ITPR1: variants seen among roughly 807,000 people sequenced by gnomAD.
ITPR1 encodes inositol 1,4,5-trisphosphate-gated calcium channel ITPR1.
Under a neutral mutation model 318.4 loss-of-function variants are expected in ITPR1, and 96 were observed. The observed-to-expected ratio is 0.30, with a 90% CI of 0.26 to 0.36. The LOEUF (loss-of-function observed/expected upper bound fraction) is 0.36, where lower values mean the gene tolerates loss of function less well. ITPR1 is among the 10% of genes least tolerant of loss of function. The pLI is 1.00. For synonymous variants in ITPR1, 1,312 were observed against 1,289.9 expected, an observed-to-expected ratio of 1.02 and a Z score of -0.37; for missense variants, 2,440 against 3,460.2, an observed-to-expected ratio of 0.71 and a Z score of 7.40.
At chr3:4,648,288 T>G (rs2093511773) in intron 10 of ITPR1, among the ~76,000 whole-genome samples, 2 of 152,230 alleles carry the variant, frequency 1.3e-5, no homozygotes, top group South Asian at 4.1e-4. Flanking sequence ...CCTCTCTACA[T>G]GCATTTGCCC....
chr3:4,521,056 A>C lies in ITPR1; in HGVS notation c.125A>C (p.Glu42Ala), dbSNP rs2082526600. ...GATGATCGTTGTGTTGTACAGCCAG[A>C]AACCGGGGACCTTAACAATCCACCT... ...LVDDRCVVQP[E>A]TGDLNNPPKK... is the part of the protein sequence containing the mutation. The change falls in exon 4 of 62, where the codon GAA (glutamate) becomes GCA (alanine). Residue 42 changes from glutamate (E) to alanine (A), a missense_variant. By Grantham distance (107) the Glu-to-Ala change is moderately radical (BLOSUM62 -1). Around this residue, in one of 23 missense-constraint regions of ITPR1, gnomAD observed 186 missense variants for 323.9 expected, o/e 0.57. Transcript: ENST00000649015. The C allele has an allele frequency of 6.2e-7, 1 of 1,613,838 alleles. No homozygotes were observed. The highest frequency in any genetic ancestry group is 8.5e-7 in the Non-Finnish European group (1 of 1,179,730).
chr3:4,815,305 G>T, intron 59 of ITPR1, 87 bp downstream of exon 59: 4 of 1,334,698 alleles, frequency 3.0e-6, no homozygotes, highest in Middle Eastern at 2.0e-4. Flanking sequence ...GATGGGCGGG[G>T]TGCCTGCCCA....
At chr3:4,719,462 G>C (rs144521902) in intron 40 of ITPR1, among the ~76,000 whole-genome samples, 248 of 152,324 alleles carry the variant, frequency 1.6e-3, no homozygotes, top group African/African-American at 5.7e-3. Context: ...GAAACCTGCA[G>C]CCCACAGCTG....
At chr3:4,575,584 A>G (rs1197828487) in intron 4 of ITPR1, among the ~76,000 whole-genome samples, 2 of 152,128 alleles carry the variant, frequency 1.3e-5, no homozygotes, top group East Asian at 1.9e-4. Context: ...TTTCTCATCA[A>G]TGTGTTTTGT....
At chr3:4,751,196 A>C (rs1037334532) in intron 44 of ITPR1, 1 of 152,660 alleles carries the variant, frequency 6.6e-6, no homozygotes, top group Non-Finnish European at 1.5e-5. Context: ...CAAGAAAACA[A>C]GAGAATGGGT....
intron 4 of ITPR1, among the ~76,000 whole-genome samples, chr3:4,567,544 G>A (rs1271646224): frequency 3.3e-5 from 5 of 152,122 alleles, no homozygotes; most frequent in Admixed American, 6.5e-5. Context: ...CACGTGCGGT[G>A]GGCTTGGGGG....
chr3:4,633,799 T>C (rs1304786747), intron 5 of ITPR1, among the ~76,000 whole-genome samples: 3 of 152,224 alleles, frequency 2.0e-5, no homozygotes, highest in Non-Finnish European at 4.4e-5. Flanking sequence ...TGAGAAATGA[T>C]TACTTAAGTC....
At chr3:4,535,202 C>G (rs964252628) in intron 4 of ITPR1, among the ~76,000 whole-genome samples, 1 of 152,114 alleles carries the variant, frequency 6.6e-6, no homozygotes, top group Non-Finnish European at 1.5e-5. Context: ...AAGAACTTTA[C>G]TTCTTTTAAA....
chr3:4,706,138 G>A, intron 36 of ITPR1, 29 bp from the exon 37 acceptor site: 1 of 1,613,526 alleles, frequency 6.2e-7, no homozygotes, highest in Non-Finnish European at 8.5e-7. Context: ...AAAAGTTGTA[G>A]GCTCACGACT....
At chr3:4,636,414 G>A (rs1181865995) in intron 5 of ITPR1, among the ~76,000 whole-genome samples, 3 of 152,102 alleles carry the variant, frequency 2.0e-5, no homozygotes, top group African/African-American at 7.2e-5. Flanking sequence ...CAAAGTTTTA[G>A]ATGTGATATT....
chr3:4,538,526 C>T (rs1270236392), intron 4 of ITPR1, among the ~76,000 whole-genome samples: 1 of 152,168 alleles, frequency 6.6e-6, no homozygotes, highest in African/African-American at 2.4e-5. Context: ...TACCATTCGA[C>T]CCAGCAATCC....
chr3:4,594,436 C>T (rs2090633336), intron 4 of ITPR1, among the ~76,000 whole-genome samples: 2 of 152,258 alleles, frequency 1.3e-5, no homozygotes, highest in South Asian at 4.1e-4. Flanking sequence ...CCTGAACCAA[C>T]CCAAGATAAA....
At chr3:4,506,093 A>G (rs1160196927) in intron 2 of ITPR1, among the ~76,000 whole-genome samples, 2 of 152,216 alleles carry the variant, frequency 1.3e-5, no homozygotes, top group Non-Finnish European at 2.9e-5. Context: ...CAACATAACT[A>G]TGAGATAAGC....
At chr3:4,637,932 T>C (rs139133744) in intron 5 of ITPR1, among the ~76,000 whole-genome samples, 54 of 152,276 alleles carry the variant, frequency 3.5e-4, no homozygotes, top group African/African-American at 1.3e-3. Context: ...ATAATAATAA[T>C]GGTTAAAATT....
At chr3:4,541,757 C>T (rs937941296) in intron 4 of ITPR1, among the ~76,000 whole-genome samples, 1 of 152,062 alleles carries the variant, frequency 6.6e-6, no homozygotes, top group Non-Finnish European at 1.5e-5. Context: ...TCCCGAGTAG[C>T]TGGGACTACC....
Position 4,644,251 on chromosome 3 carries a change from A to T in ITPR1, c.624+17A>T. ...TGCAATGAGGTAAGGACATTGAGTT[A>T]TGTGTGTGGGTGTGGTTATCCTGCA... On this transcript the variant is annotated intron_variant, in intron 8 of 61. Transcript: ENST00000649015. The T allele has an allele frequency of 6.4e-7, 1 of 1,551,886 alleles. No individual in the cohort carries two copies. Among genetic ancestry groups the T allele is most frequent in the South Asian group, 1.2e-5 (1 of 86,564 alleles).
intron 4 of ITPR1, among the ~76,000 whole-genome samples, chr3:4,536,086 G>A (rs980681319): frequency 3.3e-5 from 5 of 152,156 alleles, no homozygotes; most frequent in African/African-American, 1.2e-4. Flanking sequence ...AGGACAAAGA[G>A]GTTTCTGGTC....
intron 4 of ITPR1, among the ~76,000 whole-genome samples, chr3:4,524,221 T>G (rs1023498343): frequency 2.6e-5 from 4 of 151,456 alleles, no homozygotes; most frequent in Non-Finnish European, 5.9e-5. Flanking sequence ...AAGATCTGCT[T>G]CTCCACCGTG....
chr3:4,722,831 G>A (rs1326366771), intron 40 of ITPR1, among the ~76,000 whole-genome samples: 1 of 152,146 alleles, frequency 6.6e-6, no homozygotes, highest in Non-Finnish European at 1.5e-5. Flanking sequence ...GGATTAATTA[G>A]TATTTTAGTT....
Sources: gnomAD v4.1 joint callset for allele counts (sites outside exome capture counted in the v4.1 genomes callset) on GRCh38, gnomAD v4.1.1 for gene constraint, gnomAD v4.1.1 regional missense constraint, MANE v1.5 for transcripts, NCBI Gene and HGNC (gene_info 2026-07-23, HGNC 2026-07-21) for gene names.